The following ASAP2 variants were observed in gnomAD, a reference collection of about 807,000 sequenced individuals.
ASAP2 encodes ArfGAP with SH3 domain, ankyrin repeat and PH domain 2.
Under a neutral mutation model 131.4 loss-of-function variants are expected in ASAP2, and 45 were observed. The ratio of observed to expected loss-of-function variants is 0.34; its 90% confidence interval spans 0.27 to 0.44. The LOEUF is 0.44. Ranked by LOEUF, ASAP2 falls within the 20% of genes least tolerant of loss-of-function variation. The pLI, the probability that ASAP2 is intolerant of heterozygous loss-of-function variation, is 1.00. For synonymous variants in ASAP2, 510 were observed against 503.0 expected, an observed-to-expected ratio of 1.01 and a Z score of -0.19; for missense variants, 1,011 against 1,297.0, an observed-to-expected ratio of 0.78 and a Z score of 3.39.
intron 3 of ASAP2, among the ~76,000 whole-genome samples, chr2:9,303,490 G>C (rs1349371096): frequency 6.6e-6 from 1 of 152,140 alleles, no homozygotes; most frequent in Non-Finnish European, 1.5e-5. Context: ...GCTTGAGGAG[G>C]GCTTGAGGGC....
chr2:9,227,662 T>C (rs1277287674), intron 1 of ASAP2, among the ~76,000 whole-genome samples: 2 of 152,222 alleles, frequency 1.3e-5, no homozygotes, highest in Admixed American at 1.3e-4. Context: ...TCTTGTTCAA[T>C]GAATGATCTT....
intron 9 of ASAP2, among the ~76,000 whole-genome samples, chr2:9,337,959 T>C (rs989523718): frequency 6.6e-6 from 1 of 152,178 alleles, no homozygotes; most frequent in Non-Finnish European, 1.5e-5. Flanking sequence ...CTATGTACCA[T>C]AGTGTTTGAT....
intron 27 of ASAP2, 94 bp downstream of exon 27, chr2:9,401,490 A>C: frequency 1.3e-5 from 20 of 1,488,944 alleles, no homozygotes; most frequent in Non-Finnish European, 1.6e-5. Flanking sequence ...AGGTTTTCTC[A>C]GCCTGAGCAG....
At chr2:9,266,963 A>T (rs1665985459) in intron 1 of ASAP2, among the ~76,000 whole-genome samples, 1 of 152,156 alleles carries the variant, frequency 6.6e-6, no homozygotes, top group Non-Finnish European at 1.5e-5. Flanking sequence ...TGGTCAACCA[A>T]CATGCTAGGC....
intron 21 of ASAP2, among the ~76,000 whole-genome samples, chr2:9,385,966 C>A (rs1675228063): frequency 6.6e-6 from 1 of 152,246 alleles, no homozygotes; most frequent in African/African-American, 2.4e-5. Context: ...AAGGTTGCTG[C>A]CTTCACGCAG....
intron 2 of ASAP2, among the ~76,000 whole-genome samples, chr2:9,294,284 C>T (rs1461151351): frequency 1.3e-4 from 20 of 152,038 alleles, no homozygotes; most frequent in Admixed American, 1.3e-3. Context: ...CAGGTGTGAG[C>T]CACCGTGTCC....
At chr2:9,242,917 C>G (rs1174499410) in intron 1 of ASAP2, among the ~76,000 whole-genome samples, 2 of 151,982 alleles carry the variant, frequency 1.3e-5, no homozygotes, top group Non-Finnish European at 2.9e-5. Flanking sequence ...TAACTGAGGC[C>G]CAGTAACAAC....
intron 3 of ASAP2, among the ~76,000 whole-genome samples, chr2:9,303,900 G>A (rs762450051): frequency 6.6e-6 from 1 of 152,256 alleles, no homozygotes; most frequent in Non-Finnish European, 1.5e-5. Context: ...GAGGCCTTGG[G>A]CGTGGGAGGG....
chr2:9,349,342 G>T (rs1431535558), intron 11 of ASAP2, among the ~76,000 whole-genome samples: 1 of 152,186 alleles, frequency 6.6e-6, no homozygotes, highest in Admixed American at 6.5e-5. Context: ...GGAGGTAACA[G>T]AATAGACACA....
chr2:9,308,824 C>T (rs1212749380), intron 3 of ASAP2, among the ~76,000 whole-genome samples: 1 of 152,210 alleles, frequency 6.6e-6, no homozygotes, highest in East Asian at 1.9e-4. Flanking sequence ...GCACATACTT[C>T]TCAGAGTAAT....
chr2:9,305,764 G>GCTGTAGTAGGTATAGATATTGGTGGAGA (rs1166158499), intron 3 of ASAP2, among the ~76,000 whole-genome samples: 3 of 57,622 alleles, frequency 5.2e-5, no homozygotes, highest in Non-Finnish European at 8.8e-5. Flanking sequence ...ATTGGTGGAG[G>GCTGTAGTAGGTATAGATATTGGTGGAGA]GGCTGTAGTA....
rs974642516 is a variant in ASAP2 at position 9,401,205 on chromosome 2, G to T, written c.2824-69G>T. 36 of 1,590,484 alleles carry T rather than the reference G, an allele frequency of 2.3e-5. 1 individual carries two copies. The African/African-American group carries it at 4.8e-4, about 21-fold the overall frequency. The stretch of plus-strand genomic sequence containing the variant: ...CTCCTGAGACCGGGGAAGGCAGGGT[G>T]CTTGAGCTCTCTGCCCTGAGAGCTG... On this transcript the variant is annotated intron_variant, in intron 26 of 27. Transcript: ENST00000281419.
chr2:9,372,298 T>C (rs1032106125), intron 16 of ASAP2, among the ~76,000 whole-genome samples: 2 of 152,056 alleles, frequency 1.3e-5, no homozygotes, highest in Non-Finnish European at 2.9e-5. Flanking sequence ...CACACTGTGC[T>C]GGAGGCCCTA....
At chr2:9,315,490 G>A (rs1315718969) in intron 3 of ASAP2, among the ~76,000 whole-genome samples, 1 of 152,206 alleles carries the variant, frequency 6.6e-6, no homozygotes, top group Non-Finnish European at 1.5e-5. Context: ...ACTCTTGGGT[G>A]TCAAGCAAGT....
intron 23 of ASAP2, 134 bp downstream of exon 23, chr2:9,391,330 T>A (rs572337505): frequency 7.7e-7 from 1 of 1,293,768 alleles, no homozygotes; most frequent in African/African-American, 1.5e-5. Flanking sequence ...TCCCTGTGGC[T>A]CTTGTGCAGG....
At chr2:9,267,209 A>G (rs1666002898) in intron 1 of ASAP2, among the ~76,000 whole-genome samples, 1 of 152,148 alleles carries the variant, frequency 6.6e-6, no homozygotes, top group African/African-American at 2.4e-5. Context: ...GATATATTGC[A>G]TGATGCTGAG....
intron 14 of ASAP2, among the ~76,000 whole-genome samples, chr2:9,357,249 C>T (rs1169383626): frequency 1.3e-5 from 2 of 151,390 alleles, no homozygotes; most frequent in Non-Finnish European, 2.9e-5. Flanking sequence ...AAGACTGAGG[C>T]GGGCGGATCA....
At chr2:9,225,078 T>C (rs1422369337) in intron 1 of ASAP2, among the ~76,000 whole-genome samples, 2 of 152,358 alleles carry the variant, frequency 1.3e-5, no homozygotes, top group Non-Finnish European at 2.9e-5. Flanking sequence ...CTCCAGCCTG[T>C]TTTTGTATGC....
chr2:9,217,674 G>T lies in ASAP2; in HGVS notation c.126+10444G>T, dbSNP rs1399407917. 1.3e-5 allele frequency among the ~76,000 whole-genome samples: 2 copies of T among 151,630 alleles called. No homozygotes were observed. Among genetic ancestry groups the T allele is most frequent in the Non-Finnish European group, 2.9e-5 (2 of 67,942 alleles). ...CTGCCACCCAGGCTGGAGTGCGGTG[G>T]CACAATCTCGGCTCACTGCAAGCTC... is the stretch of plus-strand genomic sequence containing the variant. On this transcript the variant is annotated intron_variant, in intron 1 of 27. Coordinates refer to ENST00000281419, the MANE Select transcript of ASAP2 (RefSeq NM_003887.3). This position sits in a 1 kb window ranked among gnomAD's most constrained non-coding sequence, Gnocchi z 4.0.
Sources: allele counts gnomAD v4.1 joint callset (sites outside exome capture counted in the v4.1 genomes callset), GRCh38; gene constraint gnomAD v4.1.1; non-coding constraint Gnocchi (gnomAD v3.1); transcripts MANE v1.5; gene names NCBI Gene and HGNC (gene_info 2026-07-23, HGNC 2026-07-21).